The following CADPS variants were observed in gnomAD, a reference collection of about 807,000 sequenced individuals.
CADPS encodes the protein calcium-dependent secretion activator 1.
Under a neutral mutation model 167.3 loss-of-function variants are expected in CADPS, and 57 were observed. The observed-to-expected ratio is 0.34, with a 90% CI of 0.28 to 0.42. CADPS has a LOEUF of 0.42. Among genes scored for constraint, CADPS ranks in the 20% least tolerant of loss-of-function variants. The probability of loss-of-function intolerance (pLI) is 1.00; values close to 1 mark genes in which losing one functional copy is unlikely to be tolerated. For synonymous variants in CADPS, 676 were observed against 635.3 expected, an observed-to-expected ratio of 1.06 and a Z score of -0.96; for missense variants, 1,414 against 1,738.1, an observed-to-expected ratio of 0.81 and a Z score of 3.32.
intron 1 of CADPS, among the ~76,000 whole-genome samples, chr3:62,791,177 C>A (rs896169071): frequency 6.6e-6 from 1 of 152,142 alleles, no homozygotes; most frequent in Non-Finnish European, 1.5e-5. Context: ...CCTATACACA[C>A]TGAATATTCT....
chr3:62,551,340 T>C (rs2077288554), intron 10 of CADPS, among the ~76,000 whole-genome samples: 1 of 152,226 alleles, frequency 6.6e-6, no homozygotes. Flanking sequence ...ATCATGAAAT[T>C]CTGATGGTTC....
intron 28 of CADPS, among the ~76,000 whole-genome samples, chr3:62,432,340 C>A (rs2054154799): frequency 1.3e-5 from 2 of 152,116 alleles, no homozygotes; most frequent in South Asian, 4.1e-4. Context: ...TTAGAAAGCT[C>A]AAAAGTGGCA....
intron 1 of CADPS, among the ~76,000 whole-genome samples, chr3:62,809,082 AC>A (rs1431572761): frequency 1.3e-5 from 2 of 152,132 alleles, no homozygotes; most frequent in Non-Finnish European, 2.9e-5. Flanking sequence ...CTCAGATCCT[AC>A]TACCTCTGTA....
chr3:62,713,707 G>C (rs60732178), intron 3 of CADPS, among the ~76,000 whole-genome samples: 28,124 of 152,074 alleles, frequency 0.18, 3,613 homozygotes, highest in African/African-American at 0.37. Flanking sequence ...GACCCCTCCT[G>C]GGCTAAGCCT....
At chr3:62,488,795 T>C (rs2063238689) in intron 21 of CADPS, among the ~76,000 whole-genome samples, 2 of 152,012 alleles carry the variant, frequency 1.3e-5, no homozygotes, top group Admixed American at 6.6e-5. Context: ...CAGCCCTTAG[T>C]TGGCACTTTT....
At position 62,455,137 on chromosome 3, in the gene CADPS, C is replaced by A. The variant is rs1396673278; in HGVS notation, c.3637-9340G>T. 8.5e-6 allele frequency among the ~76,000 whole-genome samples: 1 copy of A among 118,228 alleles called. No homozygotes were observed. Among genetic ancestry groups the A allele is most frequent in the African/African-American group, 3.2e-5 (1 of 31,164 alleles). 77.6% of individuals were successfully genotyped at this position (118,228 alleles called of 152,430 possible). On this transcript the variant is annotated intron_variant, in intron 26 of 29. Coordinates refer to ENST00000383710, the MANE Select transcript of CADPS (RefSeq NM_003716.4). The surrounding 1 kb of genome is among the most constrained non-coding windows in gnomAD (Gnocchi z 4.4). ...TGTTCTCATCTCCCCCCACCCCCCACCCCCTGGGGCTTCTGAACAGATGCC... is the reference window on the plus strand; with the variant it reads ...TGTTCTCATCTCCCCCCACCCCCCAACCCCTGGGGCTTCTGAACAGATGCC...
chr3:62,824,360 C>T (rs2073641744), intron 1 of CADPS, among the ~76,000 whole-genome samples: 1 of 152,040 alleles, frequency 6.6e-6, no homozygotes. Context: ...GATTTAATAG[C>T]ACCTTGAATC....
In CADPS at chr3:62,850,463, G is replaced by T. The variant is rs1022770884; in HGVS notation, c.441+24126C>A. Among the ~76,000 whole-genome samples, 40 of 117,318 alleles carry T rather than the reference G, an allele frequency of 3.4e-4. No homozygotes were observed. The East Asian group carries it at 8.3e-3, about 24-fold the overall frequency. The allele number at this position is 117,318 out of a possible 152,430, so 77.0% of individuals were successfully genotyped here. ...GCTTTGAATGCGTCCCAGAGATTCT[G>T]GTATGTTGTGTCTTTGTTCTCGTTG... On this transcript the variant is annotated intron_variant, in intron 1 of 29. Transcript: ENST00000383710.
Position 62,438,517 on chromosome 3 carries a change from C to G in CADPS, c.3670-306G>C. On this transcript the variant is annotated intron_variant, in intron 27 of 29. Coordinates refer to ENST00000383710, the MANE Select transcript of CADPS (RefSeq NM_003716.4). The surrounding 1 kb of genome is among the most constrained non-coding windows in gnomAD (Gnocchi z 4.7). ...AATGGATAAATCTTTACTGCATAAC[C>G]CATAGATGTTCTCTGACTTTGCCTT... 3.6e-6 allele frequency: 1 copy of G among 278,818 alleles called. No individual in the cohort carries two copies. Among genetic ancestry groups the G allele is most frequent in the African/African-American group, 2.2e-5 (1 of 45,110 alleles). The allele number at this position is 278,818 out of a possible 1,614,324, so 17.3% of individuals were successfully genotyped here.
At position 62,509,707 on chromosome 3, in the gene CADPS, G is replaced by A. The variant is rs13323427; in HGVS notation, c.2599+3044C>T. On this transcript the variant is annotated intron_variant, in intron 17 of 29. Coordinates refer to ENST00000383710, the MANE Select transcript of CADPS (RefSeq NM_003716.4). ...ACTGCCCTCGGGAAGAATTTACAAT[G>A]TAAAGATTTTGTCAATGATCCAGTT... Among the ~76,000 whole-genome samples the A allele has an allele frequency of 4.5e-3, 692 of 152,246 alleles. 3 individuals are homozygous for A. The highest frequency in any genetic ancestry group is 0.016 in the African/African-American group (666 of 41,546).
chr3:62,610,894 G>A (rs908666265), intron 6 of CADPS, among the ~76,000 whole-genome samples: 1 of 151,336 alleles, frequency 6.6e-6, no homozygotes, highest in Non-Finnish European at 1.5e-5. Flanking sequence ...GGGGTGTGGG[G>A]GGCTGATTTT....
rs766874698 is a variant in CADPS at position 62,645,713 on chromosome 3, A to T, written c.1325+9T>A. ...TCTATAAGATGGACCCTGGAGAAAC[A>T]TAACTTACGTTGGTTTAGAAGCCTC... On this transcript the variant is annotated intron_variant, in intron 6 of 29. Transcript: ENST00000383710. 14 of 1,613,602 alleles carry T rather than the reference A, an allele frequency of 8.7e-6. No individual in the cohort carries two copies. Among genetic ancestry groups the T allele is most frequent in the Non-Finnish European group, 1.1e-5 (13 of 1,179,842 alleles).
In CADPS at chr3:62,533,324, G is replaced by A. The variant is rs144796151; in HGVS notation, c.2104-266C>T. On this transcript the variant is annotated intron_variant, in intron 12 of 29. Transcript: ENST00000383710. ...ATAAAATTTTCTAGTGAGTGATGGA[G>A]GGGGATTAGCAGACAGCTTGGTTCC... 3.9e-5 allele frequency among the ~76,000 whole-genome samples: 6 copies of A among 152,262 alleles called. No individual in the cohort carries two copies. The East Asian group carries it at 1.2e-3, about 29-fold the overall frequency.
chr3:62,418,622 T>G (rs2050684539), intron 28 of CADPS, among the ~76,000 whole-genome samples: 1 of 151,612 alleles, frequency 6.6e-6, no homozygotes, highest in Non-Finnish European at 1.5e-5. Context: ...ATTATAGGTG[T>G]GAGCCACCAA....
chr3:62,739,552 T>A (rs3894959), intron 3 of CADPS, among the ~76,000 whole-genome samples: 60,652 of 152,006 alleles, frequency 0.4, 12,552 homozygotes, highest in African/African-American at 0.48. Flanking sequence ...CCTTGTTAAA[T>A]CTTTTTGGCC....
At chr3:62,697,483 C>T (rs1406919132) in intron 3 of CADPS, among the ~76,000 whole-genome samples, 2 of 151,990 alleles carry the variant, frequency 1.3e-5, no homozygotes, top group East Asian at 1.9e-4. Context: ...ATATATACCA[C>T]AATTTATTTA....
At chr3:62,425,306 T>C (rs1480264426) in intron 28 of CADPS, among the ~76,000 whole-genome samples, 1 of 152,142 alleles carries the variant, frequency 6.6e-6, no homozygotes, top group Non-Finnish European at 1.5e-5. Flanking sequence ...TCACCGCCTA[T>C]CCATTAGATG....
chr3:62,810,082 C>A (rs2152860045), intron 1 of CADPS, among the ~76,000 whole-genome samples: 1 of 152,204 alleles, frequency 6.6e-6, no homozygotes, highest in East Asian at 1.9e-4. Context: ...TGCTAAGGAC[C>A]TATGTGATGC....
At chr3:62,706,819 C>CAAGAGTGG (rs1175889864) in intron 3 of CADPS, among the ~76,000 whole-genome samples, 1 of 151,982 alleles carries the variant, frequency 6.6e-6, no homozygotes, top group Non-Finnish European at 1.5e-5. Context: ...AGACAATATC[C>CAAGAGTGG]AAGAGTGGAA....
Sources: gnomAD v4.1 joint callset for allele counts (sites outside exome capture counted in the v4.1 genomes callset) on GRCh38, gnomAD v4.1.1 for gene constraint, Gnocchi (gnomAD v3.1) non-coding constraint, MANE v1.5 for transcripts, NCBI Gene and HGNC (gene_info 2026-07-23, HGNC 2026-07-21) for gene names.